Variants in ZNF727 observed in about 807,000 individuals in gnomAD.
ZNF727 encodes the protein putative zinc finger protein 727.
In ZNF727, 11 loss-of-function variants were observed where a neutral mutation model predicts 11.5. The observed-to-expected ratio is 0.95, with a 90% CI of 0.60 to 1.58. The LOEUF (loss-of-function observed/expected upper bound fraction) is 1.58, where lower values mean the gene tolerates loss of function less well. Ranked by LOEUF, ZNF727 falls within the 40% of genes most tolerant of loss-of-function variation. The pLI is 0.00. For synonymous variants in ZNF727, 171 were observed against 196.1 expected (o/e 0.87, Z 1.07); for missense variants, 533 against 581.7 (o/e 0.92, Z 0.86).
intron 1 of ZNF727, among the ~76,000 whole-genome samples, chr7:64,063,427 G>A (rs1405049831): frequency 2.0e-5 from 3 of 152,118 alleles, no homozygotes; most frequent in Non-Finnish European, 2.9e-5. Flanking sequence ...GAGTCTCTGG[G>A]TTACCAGGCA....
At chr7:64,066,358 A>G (rs1466258943) in intron 1 of ZNF727, among the ~76,000 whole-genome samples, 1 of 152,206 alleles carries the variant, frequency 6.6e-6, no homozygotes, top group Non-Finnish European at 1.5e-5. Context: ...ATCCTAAGCA[A>G]AAAGAACAAA....
intron 3 of ZNF727, among the ~76,000 whole-genome samples, chr7:64,071,652 C>T (rs1035773872): frequency 7.9e-5 from 12 of 151,562 alleles, no homozygotes; most frequent in Non-Finnish European, 1.5e-4. Flanking sequence ...CTGTTGTATC[C>T]CAAAATTCAT....
In ZNF727 at chr7:64,077,580, A is replaced by T; in HGVS notation, c.531A>T (p.Glu177Asp). ...FSREKCYKCE[E>D]CGKDCRLSDF... ...GAGAGAAATGCTACAAATGTGAAGA[A>T]TGTGGCAAAGACTGTAGGTTGTCAG... is the stretch of plus-strand genomic sequence containing the variant. Residue 177 changes from glutamate to aspartate, a missense_variant, in exon 4 of 4, where the codon GAA becomes GAT. Coordinates refer to ENST00000456806, the MANE Select transcript of ZNF727 (RefSeq NM_001159522.3). 1.3e-6 allele frequency: 2 copies of T among 1,551,532 alleles called. No individual in the cohort carries two copies. The highest frequency in any genetic ancestry group is 2.4e-5 in the South Asian group (2 of 84,052).
At chr7:64,064,749 T>C (rs1789836196) in intron 1 of ZNF727, among the ~76,000 whole-genome samples, 1 of 152,196 alleles carries the variant, frequency 6.6e-6, no homozygotes, top group African/African-American at 2.4e-5. Context: ...ACACTTCCTC[T>C]CTGACTACGG....
chr7:64,063,480 TC>T (rs1284521367), intron 1 of ZNF727, among the ~76,000 whole-genome samples: 10 of 143,602 alleles, frequency 7.0e-5, no homozygotes, highest in South Asian at 6.4e-4. Flanking sequence ...ATAAATGGAA[TC>T]TCTCTCTCTC....
chr7:64,062,624 A>G (rs1789788960), intron 1 of ZNF727, among the ~76,000 whole-genome samples: 1 of 144,518 alleles, frequency 6.9e-6, no homozygotes, highest in Non-Finnish European at 1.5e-5. Flanking sequence ...ATTATTAAAG[A>G]CCTTCAGGTG....
intron 3 of ZNF727, 66 bp from the exon 4 acceptor site, chr7:64,077,210 A>G (rs1226841386): frequency 8.7e-6 from 12 of 1,374,544 alleles, no homozygotes; most frequent in South Asian, 1.6e-5. Context: ...ATAATTATAT[A>G]TTTGTAAAGT....
At chr7:64,074,420 TGC>T (rs1294084721) in intron 3 of ZNF727, among the ~76,000 whole-genome samples, 1 of 152,170 alleles carries the variant, frequency 6.6e-6, no homozygotes, top group African/African-American at 2.4e-5. Flanking sequence ...ATAATGTAAC[TGC>T]TCTTCTGTTG....
intron 1 of ZNF727, among the ~76,000 whole-genome samples, chr7:64,065,286 G>A (rs1470798302): frequency 1.3e-5 from 2 of 152,170 alleles, no homozygotes; most frequent in Non-Finnish European, 2.9e-5. Flanking sequence ...TTTGGTAGGG[G>A]CAGGTCACTG....
chr7:64,045,533 G>C lies in ZNF727; in HGVS notation c.-89G>C. ...ATCTCTTCCGCTCCATTAGCTCCTC[G>C]GTGACTCCACCATAGCCCCTGTTAT... On this transcript the variant is annotated 5_prime_UTR_variant, in exon 1 of 4. Coordinates refer to ENST00000456806, the MANE Select transcript of ZNF727 (RefSeq NM_001159522.3). 1 of 1,520,888 alleles carries C rather than the reference G, an allele frequency of 6.6e-7. No individual in the cohort carries two copies. The highest frequency in any genetic ancestry group is 1.2e-5 in the South Asian group (1 of 83,448). The allele number at this position is 1,520,888 out of a possible 1,614,324, so 94.2% of individuals were successfully genotyped here.
chr7:64,077,740 G>C lies in ZNF727; in HGVS notation c.691G>C (p.Glu231Gln), dbSNP rs759775333. 7 of 1,583,358 alleles carry C rather than the reference G, an allele frequency of 4.4e-6. No individual in the cohort carries two copies. The highest frequency in any genetic ancestry group is 4.3e-6 in the Non-Finnish European group (5 of 1,164,308). Residue 231 changes from glutamate (E) to glutamine (Q), a missense_variant, in exon 4 of 4, where the codon GAA becomes CAA. By Grantham distance (29) the Glu-to-Gln change is conservative. Around this residue, in one of 3 missense-constraint regions of ZNF727, gnomAD observed 463 missense variants for 494.5 expected, o/e 0.94. Coordinates refer to ENST00000456806, the MANE Select transcript of ZNF727 (RefSeq NM_001159522.3). ...VHTGKKPYKC[E>Q]ECGKTFTCSS... ...TACTGGAAAGAAACCCTACAAATGT[G>C]AAGAATGTGGCAAAACATTTACCTG... is the stretch of plus-strand genomic sequence containing the variant.
chr7:64,070,403 G>GCTTTATAAAATTTATT, intron 3 of ZNF727, among the ~76,000 whole-genome samples: 1 of 151,464 alleles, frequency 6.6e-6, no homozygotes, highest in South Asian at 2.1e-4. Context: ...ATTTTATTTA[G>GCTTTATAAAATTTATT]TATAAAGCTT....
intron 2 of ZNF727, 115 bp from the exon 3 acceptor site, chr7:64,069,399 G>A (rs1431242348): frequency 1.4e-5 from 13 of 920,408 alleles, no homozygotes; most frequent in Non-Finnish European, 1.8e-5. Flanking sequence ...ACAGTAGATT[G>A]GAATTAATTT....
intron 1 of ZNF727, among the ~76,000 whole-genome samples, chr7:64,063,479 A>ATT (rs144678767): frequency 1.1e-3 from 166 of 151,494 alleles, no homozygotes; most frequent in Middle Eastern, 3.4e-3. Context: ...AATAAATGGA[A>ATT]TCTCTCTCTC....
In ZNF727 at chr7:64,083,296, C is replaced by T. The variant is rs1357251810; in HGVS notation, c.*4747C>T. Among the ~76,000 whole-genome samples, 2 of 152,162 alleles carry T rather than the reference C, an allele frequency of 1.3e-5. No homozygotes were observed. Among genetic ancestry groups the T allele is most frequent in the African/African-American group, 2.4e-5 (1 of 41,446 alleles). On this transcript the variant is annotated 3_prime_UTR_variant, in exon 4 of 4. Coordinates refer to ENST00000456806, the MANE Select transcript of ZNF727 (RefSeq NM_001159522.3). The stretch of plus-strand genomic sequence containing the variant: ...TAAGTTGCCCAAGAAGCAAAGATGG[C>T]GGCCCACTCCTCTTTCTGGTAGCTC...
chr7:64,071,026 A>G (rs1433551771), intron 3 of ZNF727, among the ~76,000 whole-genome samples: 1 of 152,016 alleles, frequency 6.6e-6, no homozygotes, highest in African/African-American at 2.4e-5. Flanking sequence ...CAGTTTCCAC[A>G]AACACTTTAG....
chr7:64,068,584 A>G (rs1171685867), intron 1 of ZNF727, among the ~76,000 whole-genome samples: 1 of 152,126 alleles, frequency 6.6e-6, no homozygotes, highest in Non-Finnish European at 1.5e-5. Context: ...CCATGTGGGA[A>G]GTATAGACAG....
chr7:64,078,617 T>G lies in ZNF727; in HGVS notation c.*68T>G. ...AAGCTTTTACGTGGATCTTGGCCCT[T>G]AGTAAACACAAGAGAATTCATACTG... On this transcript the variant is annotated 3_prime_UTR_variant, in exon 4 of 4. Transcript: ENST00000456806. 1 of 1,479,888 alleles carries G rather than the reference T, an allele frequency of 6.8e-7. No homozygotes were observed. Among genetic ancestry groups the G allele is most frequent in the Non-Finnish European group, 9.3e-7 (1 of 1,070,860 alleles). 91.7% of individuals were successfully genotyped at this position (1,479,888 alleles called of 1,614,324 possible).
intron 1 of ZNF727, among the ~76,000 whole-genome samples, chr7:64,065,050 T>C (rs1789841006): frequency 6.6e-6 from 1 of 152,142 alleles, no homozygotes; most frequent in Non-Finnish European, 1.5e-5. Flanking sequence ...ATGCTTCTTA[T>C]TTGGATAGTC....
Sources: allele counts gnomAD v4.1 joint callset (sites outside exome capture counted in the v4.1 genomes callset), GRCh38; gene constraint gnomAD v4.1.1; regional missense constraint gnomAD v4.1.1; transcripts MANE v1.5; gene names NCBI Gene and HGNC (gene_info 2026-07-23, HGNC 2026-07-21).